GAD1: variants seen among roughly 807,000 people sequenced by gnomAD.
The protein encoded by GAD1 is 67 kDa glutamic acid decarboxylase.
A neutral mutation model predicts 75.2 loss-of-function variants in GAD1; 35 were observed. That is an observed-to-expected ratio of 0.47 (90% CI 0.36 to 0.62). The LOEUF is 0.62. GAD1 is among the 20% of genes least tolerant of loss of function. GAD1 has a pLI of 0.00. For synonymous variants in GAD1, 257 were observed against 271.9 expected (o/e 0.95, Z 0.54); for missense variants, 490 against 758.5 (o/e 0.65, Z 4.16).
intron 3 of GAD1, among the ~76,000 whole-genome samples, chr2:170,823,685 G>A (rs1701952946): frequency 6.6e-6 from 1 of 151,198 alleles, no homozygotes; most frequent in African/African-American, 2.4e-5. Flanking sequence ...GCCATTCTGG[G>A]CTTAATGGCC....
At chr2:170,832,540 A>T (rs969818896) in intron 5 of GAD1, among the ~76,000 whole-genome samples, 3 of 152,192 alleles carry the variant, frequency 2.0e-5, no homozygotes, top group African/African-American at 7.2e-5. Context: ...GGAACCAGGG[A>T]TTAGGACTTG....
chr2:170,831,778 TTATATTA>T (rs1193671624), intron 5 of GAD1, among the ~76,000 whole-genome samples: 33 of 144,996 alleles, frequency 2.3e-4, no homozygotes, highest in African/African-American at 7.5e-4. Context: ...TATATAATAT[TTATATTA>T]TATATTATAT....
intron 3 of GAD1, among the ~76,000 whole-genome samples, chr2:170,824,930 G>A (rs568171531): frequency 2.5e-4 from 5 of 20,168 alleles, no homozygotes; most frequent in East Asian, 4.5e-3. Context: ...GCCTACACTC[G>A]TGTGTGTGTG....
chr2:170,837,400 A>ATT (rs1325040216), intron 6 of GAD1, among the ~76,000 whole-genome samples: 1 of 152,162 alleles, frequency 6.6e-6, no homozygotes, highest in African/African-American at 2.4e-5. Context: ...TAAATGTGAC[A>ATT]TTTTTTCATA....
chr2:170,842,418 T>C, intron 6 of GAD1: 1 of 781,042 alleles, frequency 1.3e-6, no homozygotes, highest in Non-Finnish European at 2.3e-6. Context: ...CATGCAAACA[T>C]TTTTGTCATG....
chr2:170,821,660 A>G, intron 2 of GAD1: 1 of 184,728 alleles, frequency 5.4e-6, no homozygotes, highest in Non-Finnish European at 1.1e-5. Context: ...TCGGTCCCAG[A>G]TGCCTGTGTT....
rs770840674 is a variant in GAD1 at position 170,858,868 on chromosome 2, C to T, written c.1586C>T (p.Pro529Leu). 1 of 1,614,008 alleles carries T rather than the reference C, an allele frequency of 6.2e-7. No homozygotes were observed. The highest frequency in any genetic ancestry group is 1.3e-5 in the African/African-American group (1 of 74,920). Residue 529 changes from proline (P) to leucine (L), a missense_variant, in exon 16 of 17, where the codon CCT becomes CTT. Physicochemically the swap from Pro to Leu is moderately conservative, Grantham distance 98. Transcript: ENST00000358196. ...AGCCTCAGGGGTGTGCCAGACAGCC[C>T]TCAACGACGGGAAAAGCTACACAAG... ...PQSLRGVPDS[P>L]QRREKLHKVA...
chr2:170,841,632 T>C (rs1476584968), intron 6 of GAD1, among the ~76,000 whole-genome samples: 1 of 152,212 alleles, frequency 6.6e-6, no homozygotes, highest in East Asian at 1.9e-4. Flanking sequence ...CTGCACAGAT[T>C]GTAAACATGG....
rs1456690507 is a variant in GAD1, at chr2:170,818,564, C to G, written c.-28C>G. 1 of 1,606,574 alleles carries G rather than the reference C, an allele frequency of 6.2e-7. No individual in the cohort carries two copies. The highest frequency in any genetic ancestry group is 2.2e-5 in the East Asian group (1 of 44,840). On this transcript the variant is annotated 5_prime_UTR_variant, in exon 2 of 17. Transcript: ENST00000358196. This position sits in a 1 kb window ranked among gnomAD's most constrained non-coding sequence, Gnocchi z 5.9. ...CGCCGGACCAGTCGAGGACTCTGGA[C>G]AGTAGAGGCCCCGGGACGACCGAGC...
rs79585876 is a variant in GAD1 at position 170,860,054 on chromosome 2, A to C, written c.*172A>C. ...GCTTGTTTGTTCTAGTTAGCAGGAA[A>C]TAGTGTTCTTTTTAAAAAGTTGCAC... On this transcript the variant is annotated 3_prime_UTR_variant, in exon 17 of 17. Coordinates refer to ENST00000358196, the MANE Select transcript of GAD1 (RefSeq NM_000817.3). The C allele has an allele frequency of 7.3e-6, 5 of 689,368 alleles. No homozygotes were observed. The East Asian group carries it at 1.1e-4, about 15-fold the overall frequency. The allele number at this position is 689,368 out of a possible 1,614,324, so 42.7% of individuals were successfully genotyped here. A position where few individuals can be genotyped will look rare whatever the true frequency, so the allele number is the denominator to read the frequency against.
At chr2:170,844,013 T>C (rs1702578002) in intron 6 of GAD1, 32 bp from the exon 7 acceptor site, 2 of 1,204,356 alleles carry the variant, frequency 1.7e-6, no homozygotes, top group African/African-American at 3.0e-5. Context: ...CTTCTTTATT[T>C]TCTTTCATCC....
intron 14 of GAD1, among the ~76,000 whole-genome samples, chr2:170,856,733 T>C (rs1294345247): frequency 6.6e-6 from 1 of 152,186 alleles, no homozygotes; most frequent in South Asian, 2.1e-4. Flanking sequence ...AGTTCATAGA[T>C]GACACTTTGA....
chr2:170,832,212 C>G (rs1350444384), intron 5 of GAD1, among the ~76,000 whole-genome samples: 1 of 152,180 alleles, frequency 6.6e-6, no homozygotes, highest in East Asian at 1.9e-4. Context: ...AATTTGTTCT[C>G]TCACAATTCT....
At chr2:170,821,234 G>A (rs1575423005) in intron 2 of GAD1, among the ~76,000 whole-genome samples, 1 of 152,156 alleles carries the variant, frequency 6.6e-6, no homozygotes, top group African/African-American at 2.4e-5. Context: ...GTGGGGATGG[G>A]GCTGCTTCCC....
At chr2:170,842,547 T>C in intron 6 of GAD1, 1 of 1,611,556 alleles carries the variant, frequency 6.2e-7, no homozygotes. Flanking sequence ...CAGGAATCCT[T>C]CTCTTCTTCT....
intron 11 of GAD1, 35 bp from the exon 12 acceptor site, chr2:170,849,251 G>T: frequency 6.3e-7 from 1 of 1,588,158 alleles, no homozygotes; most frequent in Non-Finnish European, 8.6e-7. Context: ...AAATGTCACT[G>T]CTCCCCTCTT....
At chr2:170,849,241 A>G (rs374404929) in intron 11 of GAD1, 45 bp from the exon 12 acceptor site, 167 of 1,550,888 alleles carry the variant, frequency 1.1e-4, no homozygotes, top group Non-Finnish European at 1.4e-4. Flanking sequence ...TTAGATTCTT[A>G]AATGTCACTG....
intron 11 of GAD1, chr2:170,848,597 A>G: frequency 2.2e-6 from 1 of 456,922 alleles, no homozygotes; most frequent in Non-Finnish European, 4.4e-6. Flanking sequence ...CTTAATCCCA[A>G]ATCTTCCCAG....
chr2:170,837,194 G>A (rs563320923), intron 6 of GAD1, among the ~76,000 whole-genome samples: 2 of 152,206 alleles, frequency 1.3e-5, no homozygotes, highest in South Asian at 4.2e-4. Context: ...ATGTTTTGAG[G>A]TATGATCTTG....
Sources: allele counts gnomAD v4.1 joint callset (sites outside exome capture counted in the v4.1 genomes callset), GRCh38; gene constraint gnomAD v4.1.1; non-coding constraint Gnocchi (gnomAD v3.1); transcripts MANE v1.5; gene names NCBI Gene and HGNC (gene_info 2026-07-23, HGNC 2026-07-21).